Variants in NTM observed in about 807,000 individuals in gnomAD.
NTM encodes IgLON family member 2.
A neutral mutation model predicts 42.1 loss-of-function variants in NTM; 13 were observed. The observed-to-expected ratio is 0.31, with a 90% CI of 0.20 to 0.49. The LOEUF (loss-of-function observed/expected upper bound fraction) is 0.49. Ranked by LOEUF, NTM falls within the 20% of genes least tolerant of loss-of-function variation. The pLI is 0.99. For synonymous variants in NTM, 187 were observed against 179.2 expected, an observed-to-expected ratio of 1.04 and a Z score of -0.35; for missense variants, 373 against 452.8, an observed-to-expected ratio of 0.82 and a Z score of 1.60.
At chr11:131,553,895 C>T (rs944157818) in intron 1 of NTM, among the ~76,000 whole-genome samples, 43 of 152,190 alleles carry the variant, frequency 2.8e-4, no homozygotes, top group African/African-American at 1.0e-3. Context: ...TATTTTCACT[C>T]TCATTTCCCG....
chr11:131,843,653 C>A (rs2044560613), intron 1 of NTM, among the ~76,000 whole-genome samples: 1 of 152,220 alleles, frequency 6.6e-6, no homozygotes, highest in Admixed American at 6.5e-5. Context: ...TATTGCCAAA[C>A]TGCTTAATAA....
chr11:132,175,854 C>T (rs117876308), intron 3 of NTM, among the ~76,000 whole-genome samples: 1,680 of 152,286 alleles, frequency 0.011, 87 homozygotes, highest in Admixed American at 0.078. Context: ...CAGGAAAATT[C>T]TCGGGTTCCC....
chr11:132,321,037 A>G (rs988405235), intron 7 of NTM, among the ~76,000 whole-genome samples: 1 of 151,472 alleles, frequency 6.6e-6, no homozygotes, highest in African/African-American at 2.4e-5. Context: ...CATCACCATC[A>G]TCAAAGACCA....
At chr11:131,744,349 A>C (rs1037480185) in intron 1 of NTM, among the ~76,000 whole-genome samples, 1 of 152,206 alleles carries the variant, frequency 6.6e-6, no homozygotes, top group Admixed American at 6.5e-5. Flanking sequence ...CTGCAAATAC[A>C]TGTTTTTCCC....
At chr11:131,716,186 G>T (rs789540) in intron 1 of NTM, among the ~76,000 whole-genome samples, 2 of 152,106 alleles carry the variant, frequency 1.3e-5, no homozygotes, top group South Asian at 4.2e-4. Flanking sequence ...GAACAAGTTC[G>T]CCTGGGCCTT....
intron 8 of NTM, among the ~76,000 whole-genome samples, chr11:132,334,067 G>C (rs2136500083): frequency 6.6e-6 from 1 of 152,340 alleles, no homozygotes; most frequent in East Asian, 1.9e-4. Flanking sequence ...GAGTATGCCA[G>C]AGCAGGTCCA....
chr11:132,023,985 A>AT (rs1194448176), intron 2 of NTM, among the ~76,000 whole-genome samples: 3 of 151,482 alleles, frequency 2.0e-5, no homozygotes, highest in African/African-American at 7.3e-5. Flanking sequence ...TGCCCAGCTA[A>AT]TTTTTTTGTA....
At chr11:132,283,162 T>C (rs915434619) in intron 4 of NTM, among the ~76,000 whole-genome samples, 2 of 151,730 alleles carry the variant, frequency 1.3e-5, no homozygotes, top group Admixed American at 6.6e-5. Context: ...AATTTTTGTA[T>C]TTTTAGTAGA....
chr11:132,012,470 ACC>A (rs2072429192), intron 2 of NTM, among the ~76,000 whole-genome samples: 1 of 152,168 alleles, frequency 6.6e-6, no homozygotes, highest in Non-Finnish European at 1.5e-5. Flanking sequence ...GGTTATCGCC[ACC>A]CCTTGGTTAA....
At chr11:131,613,186 G>A (rs1032530162) in intron 1 of NTM, among the ~76,000 whole-genome samples, 2 of 152,050 alleles carry the variant, frequency 1.3e-5, no homozygotes, top group African/African-American at 4.8e-5. Flanking sequence ...TTCCCTGGTG[G>A]CTGGCCATCA....
At chr11:131,912,625 G>T (rs554884276) in intron 2 of NTM, among the ~76,000 whole-genome samples, 1 of 152,296 alleles carries the variant, frequency 6.6e-6, no homozygotes, top group East Asian at 1.9e-4. Context: ...CGTTAAGAAG[G>T]TTCATGGGAA....
intron 1 of NTM, among the ~76,000 whole-genome samples, chr11:131,599,204 C>T (rs892802742): frequency 1.1e-4 from 16 of 152,174 alleles, no homozygotes; most frequent in East Asian, 1.9e-4. Context: ...CTTGAGCCAC[C>T]GCACCTGGCC....
chr11:131,733,463 TTTCCTTCCTTCC>T (rs555056062), intron 1 of NTM, among the ~76,000 whole-genome samples: 1,736 of 112,588 alleles, frequency 0.015, 37 homozygotes, highest in African/African-American at 0.045. Context: ...TCCTTCCTTC[TTTCCTTCCTTCC>T]TTCCTTCCTT....
intron 1 of NTM, among the ~76,000 whole-genome samples, chr11:131,656,956 C>A (rs552014444): frequency 6.6e-6 from 1 of 152,118 alleles, no homozygotes; most frequent in Admixed American, 6.5e-5. Flanking sequence ...GGTGGTCTGG[C>A]GCTGTTGCTC....
At chr11:132,293,540 A>G (rs2094520412) in intron 4 of NTM, among the ~76,000 whole-genome samples, 1 of 152,280 alleles carries the variant, frequency 6.6e-6, no homozygotes, top group East Asian at 1.9e-4. Context: ...GAAGGGTTAT[A>G]TGAAACAGCG....
intron 2 of NTM, among the ~76,000 whole-genome samples, chr11:132,118,941 G>T (rs2136893739): frequency 6.6e-6 from 1 of 152,246 alleles, no homozygotes; most frequent in African/African-American, 2.4e-5. Flanking sequence ...GAAGGGGCTG[G>T]GAGGGGGAGG....
intron 1 of NTM, among the ~76,000 whole-genome samples, chr11:131,733,724 T>TGGG (rs529462158): frequency 1.3e-5 from 2 of 151,992 alleles, no homozygotes; most frequent in Middle Eastern, 3.4e-3. Flanking sequence ...TTAGTAGAGA[T>TGGG]GGGGGGGTTT....
intron 4 of NTM, among the ~76,000 whole-genome samples, chr11:132,221,738 G>A (rs1007031934): frequency 6.6e-6 from 1 of 152,152 alleles, no homozygotes; most frequent in Non-Finnish European, 1.5e-5. Context: ...TCAGCATTAT[G>A]TTACTTAATT....
intron 1 of NTM, among the ~76,000 whole-genome samples, chr11:131,815,910 C>G (rs2092932932): frequency 6.6e-6 from 1 of 152,128 alleles, no homozygotes; most frequent in Admixed American, 6.5e-5. Context: ...CCCAGCTGGT[C>G]TCTGCAGGAG....
Sources: allele counts gnomAD v4.1 joint callset (sites outside exome capture counted in the v4.1 genomes callset), GRCh38; gene constraint gnomAD v4.1.1; transcripts MANE v1.5; gene names NCBI Gene and HGNC (gene_info 2026-07-23, HGNC 2026-07-21).